INPP4B: variants seen among roughly 807,000 people sequenced by gnomAD.
The protein encoded by INPP4B is inositol polyphosphate-4-phosphatase type II B.
A neutral mutation model predicts 122.5 loss-of-function variants in INPP4B; 55 were observed. That is an observed-to-expected ratio of 0.45 (90% CI 0.36 to 0.56). The LOEUF (loss-of-function observed/expected upper bound fraction) is 0.56, where lower values mean the gene tolerates loss of function less well. Among genes scored for constraint, INPP4B ranks in the 20% least tolerant of loss-of-function variants. The pLI is 0.00. For synonymous variants in INPP4B, 403 were observed against 388.7 expected (o/e 1.04, Z -0.43); for missense variants, 1,000 against 1,097.7 (o/e 0.91, Z 1.26).
At chr4:142,323,722 G>T (rs554521253) in intron 7 of INPP4B, among the ~76,000 whole-genome samples, 2 of 151,812 alleles carry the variant, frequency 1.3e-5, no homozygotes, top group South Asian at 2.1e-4. Flanking sequence ...AGGGATTACA[G>T]GCGTGAGCCA....
chr4:142,786,832 T>A (rs1775831346), intron 1 of INPP4B, among the ~76,000 whole-genome samples: 1 of 151,832 alleles, frequency 6.6e-6, no homozygotes, highest in African/African-American at 2.4e-5. Context: ...TAACCAGTAA[T>A]CCTCAAAACT....
At position 142,820,266 on chromosome 4, in the gene INPP4B, G is replaced by A. The variant is rs116251900; in HGVS notation, c.-254+25943C>T. Among the ~76,000 whole-genome samples the A allele has an allele frequency of 5.9e-3, 901 of 152,234 alleles. 10 individuals are homozygous for A. The highest frequency in any genetic ancestry group is 0.02 in the African/African-American group (828 of 41,540). On this transcript the variant is annotated intron_variant, in intron 1 of 25. Coordinates refer to ENST00000262992, the MANE Select transcript of INPP4B (RefSeq NM_001101669.3). ...GGTCATGAGGGTGGATTCCCCACGA[G>A]TAGATGCCCTCTCTGGGGAAGGGAG...
intron 17 of INPP4B, among the ~76,000 whole-genome samples, chr4:142,154,746 A>G (rs1011296743): frequency 6.6e-6 from 1 of 152,134 alleles, no homozygotes; most frequent in Non-Finnish European, 1.5e-5. Context: ...TAAGAAGACA[A>G]ATCAAAATAA....
At chr4:142,258,166 C>T (rs1363554871) in intron 11 of INPP4B, among the ~76,000 whole-genome samples, 1 of 152,134 alleles carries the variant, frequency 6.6e-6, no homozygotes, top group East Asian at 1.9e-4. Flanking sequence ...AAAGCTGAAA[C>T]TGGATCCCTT....
At chr4:142,426,747 G>A (rs1808142981) in intron 5 of INPP4B, 1 of 151,872 alleles carries the variant, frequency 6.6e-6, no homozygotes, top group Admixed American at 6.6e-5. Flanking sequence ...ATCCTTGATG[G>A]AAAATAACTT....
In INPP4B at chr4:142,436,809, T is replaced by TTA. The variant is rs1554054753; in HGVS notation, c.-126-5425_-126-5424insTA. On this transcript the variant is annotated intron_variant, in intron 3 of 25. Coordinates refer to ENST00000262992, the MANE Select transcript of INPP4B (RefSeq NM_001101669.3). ...ACTCATGAAGATGAGAAAGAATCAATAAAAAAAAAAAAAGATGAAAACCCC... is the reference window on the plus strand; with the variant it reads ...ACTCATGAAGATGAGAAAGAATCAATTAAAAAAAAAAAAAAGATGAAAACCCC... Among the ~76,000 whole-genome samples, 382 of 138,930 alleles carry TTA rather than the reference T, an allele frequency of 2.7e-3. 9 individuals carry two copies. In the East Asian group the frequency reaches 0.045, roughly 16 times the overall value. 91.1% of individuals were successfully genotyped at this position (138,930 alleles called of 152,430 possible). A position where few individuals can be genotyped will look rare whatever the true frequency, so the allele number is the denominator to read the frequency against.
chr4:142,427,790 G>T (rs1453468332), intron 5 of INPP4B, among the ~76,000 whole-genome samples: 1 of 151,990 alleles, frequency 6.6e-6, no homozygotes, highest in African/African-American at 2.4e-5. Flanking sequence ...GGTAAAAAGT[G>T]AGTTTCTTCT....
intron 2 of INPP4B, among the ~76,000 whole-genome samples, chr4:142,710,898 T>C (rs2096862044): frequency 6.6e-6 from 1 of 152,248 alleles, no homozygotes; most frequent in African/African-American, 2.4e-5. Context: ...TCTCTTCCCA[T>C]CACTCTGGTA....
At chr4:142,081,976 A>C in intron 25 of INPP4B, 55 bp downstream of exon 25, 2 of 1,273,684 alleles carry the variant, frequency 1.6e-6, no homozygotes, top group Non-Finnish European at 2.1e-6. Flanking sequence ...AAAAAAAAAT[A>C]AAAACAACTC....
intron 12 of INPP4B, among the ~76,000 whole-genome samples, chr4:142,227,368 A>G (rs1403251539): frequency 6.6e-6 from 1 of 152,142 alleles, no homozygotes; most frequent in Non-Finnish European, 1.5e-5. Context: ...AGGAGTGCAC[A>G]CTGGATTTAA....
At chr4:142,526,349 C>T (rs1235152110) in intron 2 of INPP4B, among the ~76,000 whole-genome samples, 1 of 152,038 alleles carries the variant, frequency 6.6e-6, no homozygotes, top group Non-Finnish European at 1.5e-5. Flanking sequence ...CCCTGTTGTG[C>T]TATCTATTTT....
At chr4:142,602,630 T>G (rs1238492324) in intron 2 of INPP4B, among the ~76,000 whole-genome samples, 1 of 152,130 alleles carries the variant, frequency 6.6e-6, no homozygotes, top group Non-Finnish European at 1.5e-5. Flanking sequence ...ACATCACTGA[T>G]CATTAGAAAA....
intron 2 of INPP4B, among the ~76,000 whole-genome samples, chr4:142,662,363 G>A (rs895818610): frequency 1.3e-5 from 2 of 152,126 alleles, no homozygotes; most frequent in African/African-American, 4.8e-5. Flanking sequence ...CATTATTAGA[G>A]AGCATCACCT....
chr4:142,045,853 C>T (rs1304531457), intron 25 of INPP4B, among the ~76,000 whole-genome samples: 2 of 151,964 alleles, frequency 1.3e-5, no homozygotes, highest in African/African-American at 2.4e-5. Context: ...TTTCATGAAA[C>T]TTATATTCTA....
chr4:142,651,867 T>C (rs1753036108), intron 2 of INPP4B, among the ~76,000 whole-genome samples: 1 of 152,228 alleles, frequency 6.6e-6, no homozygotes, highest in Non-Finnish European at 1.5e-5. Flanking sequence ...CTCTAACTCA[T>C]TTTATGCAGC....
chr4:142,095,497 T>C (rs1342313362), intron 23 of INPP4B, among the ~76,000 whole-genome samples: 1 of 152,182 alleles, frequency 6.6e-6, no homozygotes, highest in Non-Finnish European at 1.5e-5. Flanking sequence ...TAACAAGAAG[T>C]TAAATTCAGA....
At chr4:142,254,484 A>C (rs1357579855) in intron 11 of INPP4B, among the ~76,000 whole-genome samples, 2 of 152,092 alleles carry the variant, frequency 1.3e-5, no homozygotes, top group Admixed American at 6.5e-5. Flanking sequence ...TATAACTAGA[A>C]TAACCAATAC....
intron 1 of INPP4B, among the ~76,000 whole-genome samples, chr4:142,769,721 C>T (rs953283435): frequency 1.3e-5 from 2 of 151,960 alleles, no homozygotes; most frequent in African/African-American, 4.8e-5. Flanking sequence ...TTGAGATCAG[C>T]TTGGCCAACA....
At chr4:142,470,974 TA>T (rs2149678402) in intron 2 of INPP4B, among the ~76,000 whole-genome samples, 1 of 152,312 alleles carries the variant, frequency 6.6e-6, no homozygotes, top group East Asian at 1.9e-4. Context: ...AAAAAGACGT[TA>T]ATGAAGAGTT....
Sources: allele counts gnomAD v4.1 joint callset (sites outside exome capture counted in the v4.1 genomes callset), GRCh38; gene constraint gnomAD v4.1.1; transcripts MANE v1.5; gene names NCBI Gene and HGNC (gene_info 2026-07-23, HGNC 2026-07-21).